SLC35F5: variants seen among roughly 807,000 people sequenced by gnomAD.
SLC35F5 encodes HCV NS5A-transactivated protein 3.
A neutral mutation model predicts 68.6 loss-of-function variants in SLC35F5; 54 were observed. The ratio of observed to expected loss-of-function variants is 0.79; its 90% CI spans 0.63 to 0.99. The LOEUF (loss-of-function observed/expected upper bound fraction) is 0.99. Among genes scored for constraint, SLC35F5 ranks in the 50% least tolerant of loss-of-function variants. The probability of loss-of-function intolerance (pLI) is 0.00; values close to 1 mark genes in which losing one functional copy is unlikely to be tolerated. For synonymous variants in SLC35F5, 211 were observed against 205.2 expected (o/e 1.03, Z -0.24); for missense variants, 567 against 626.9 (o/e 0.90, Z 1.02).
At chr2:113,748,226 T>A (rs1271105268) in intron 4 of SLC35F5, among the ~76,000 whole-genome samples, 1 of 152,158 alleles carries the variant, frequency 6.6e-6, no homozygotes, top group Non-Finnish European at 1.5e-5. Context: ...AGTGTAGTGG[T>A]TCAGTCTCTG....
At chr2:113,753,176 T>C (rs1385714027) in intron 3 of SLC35F5, among the ~76,000 whole-genome samples, 1,226 of 116,434 alleles carry the variant, frequency 0.011, 87 homozygotes, top group African/African-American at 0.035. Flanking sequence ...TTCTTTTTTT[T>C]TTTTTTTTTT....
intron 7 of SLC35F5, among the ~76,000 whole-genome samples, chr2:113,738,382 A>G (rs183377417): frequency 1.3e-5 from 2 of 152,266 alleles, no homozygotes; most frequent in African/African-American, 2.4e-5. Flanking sequence ...TTCATTTAGC[A>G]TAATGTCTTT....
At position 113,709,760 on chromosome 2, in the gene SLC35F5, C is replaced by T. The variant is rs78834881; in HGVS notation, c.*5458G>A. 0.031 allele frequency among the ~76,000 whole-genome samples: 4,790 copies of T among 152,236 alleles called. 142 individuals are homozygous for T. Among genetic ancestry groups the T allele is most frequent in the African/African-American group, 0.081 (3,358 of 41,538 alleles). Reference sequence around the variant, plus strand: ...AAATTACCAGGCCCACCATCCCCACCGCCAGACCTACTGAATCAGAAACTC... The same window carrying T: ...AAATTACCAGGCCCACCATCCCCACTGCCAGACCTACTGAATCAGAAACTC... On this transcript the variant is annotated 3_prime_UTR_variant, in exon 16 of 16. Transcript: ENST00000245680.
chr2:113,736,732 C>T (rs1461219686), intron 7 of SLC35F5, among the ~76,000 whole-genome samples: 2 of 152,108 alleles, frequency 1.3e-5, no homozygotes, highest in East Asian at 3.9e-4. Context: ...GAAACACAAC[C>T]CAAAGAGTTC....
At chr2:113,739,673 A>G (rs1688217994) in intron 7 of SLC35F5, among the ~76,000 whole-genome samples, 1 of 152,178 alleles carries the variant, frequency 6.6e-6, no homozygotes, top group Admixed American at 6.5e-5. Context: ...TGTATTAATT[A>G]TATGCTACCC....
intron 3 of SLC35F5, among the ~76,000 whole-genome samples, chr2:113,752,240 TAAGG>T (rs1676775444): frequency 6.8e-6 from 1 of 146,666 alleles, no homozygotes; most frequent in Non-Finnish European, 1.5e-5. Flanking sequence ...AAAAGATTAA[TAAGG>T]CCATATTAAA....
At chr2:113,746,235 C>A in intron 5 of SLC35F5, 42 bp downstream of exon 5, 1 of 1,521,260 alleles carries the variant, frequency 6.6e-7, no homozygotes, top group Non-Finnish European at 9.1e-7. Context: ...TACCATGGCT[C>A]AACCCCACCT....
rs922724583 is a variant in SLC35F5, at chr2:113,711,829, A to C, written c.*3389T>G. On this transcript the variant is annotated 3_prime_UTR_variant, in exon 16 of 16. Coordinates refer to ENST00000245680, the MANE Select transcript of SLC35F5 (RefSeq NM_025181.5). ...ATAACTATACTTACTTAATATGAAA[A>C]TGACATTTCATTTATTTGCTAATAT... Among the ~76,000 whole-genome samples, 3 of 152,242 alleles carry C rather than the reference A, an allele frequency of 2.0e-5. No homozygotes were observed. Among genetic ancestry groups the C allele is most frequent in the African/African-American group, 7.2e-5 (3 of 41,464 alleles).
rs143953098 is a variant in SLC35F5 at position 113,735,399 on chromosome 2, T to C, written c.832+378A>G. Among the ~76,000 whole-genome samples, 15 of 152,358 alleles carry C rather than the reference T, an allele frequency of 9.8e-5. No homozygotes were observed. In the East Asian group the frequency reaches 2.9e-3, roughly 29 times the overall value. On this transcript the variant is annotated intron_variant, in intron 8 of 15. Transcript: ENST00000245680. ...TAAATGGTATAGCCTACTACACAGC[T>C]AGGCTATATGCTATAAGCCTATTGC...
At chr2:113,738,650 C>T (rs1390019931) in intron 7 of SLC35F5, among the ~76,000 whole-genome samples, 1 of 149,074 alleles carries the variant, frequency 6.7e-6, no homozygotes, top group Non-Finnish European at 1.5e-5. Flanking sequence ...ACCTAAATTA[C>T]ATTTTACAGA....
downstream of SLC35F5, chr2:113,704,914 G>A (rs1479388844): frequency 6.5e-6 from 1 of 152,744 alleles, no homozygotes; most frequent in Non-Finnish European, 1.5e-5. Flanking sequence ...CCAGGCAGAG[G>A]AGGCGGGGAG....
chr2:113,756,616 G>A lies in SLC35F5; in HGVS notation c.-207C>T, dbSNP rs1677006260. The A allele has an allele frequency of 7.4e-7, 1 of 1,342,572 alleles. No homozygotes were observed. The highest frequency in any genetic ancestry group is 9.7e-7 in the Non-Finnish European group (1 of 1,029,944). 83.2% of individuals were successfully genotyped at this position (1,342,572 alleles called of 1,614,324 possible). A position where few individuals can be genotyped will look rare whatever the true frequency, so the allele number is the denominator to read the frequency against. The stretch of plus-strand genomic sequence containing the variant: ...GTGAGGGGAAGGGACGGCACAGTCA[G>A]CTATGGCCGCGGAGGCCCGGAGATC... On this transcript the variant is annotated 5_prime_UTR_variant, in exon 1 of 16. Coordinates refer to ENST00000245680, the MANE Select transcript of SLC35F5 (RefSeq NM_025181.5).
At chr2:113,729,093 G>T (rs1369680677) in intron 11 of SLC35F5, among the ~76,000 whole-genome samples, 3 of 152,224 alleles carry the variant, frequency 2.0e-5, no homozygotes, top group Non-Finnish European at 4.4e-5. Flanking sequence ...TCACATGCTT[G>T]TAAGAGCATA....
chr2:113,711,149 C>G lies in SLC35F5; in HGVS notation c.*4069G>C, dbSNP rs1370708242. On this transcript the variant is annotated 3_prime_UTR_variant, in exon 16 of 16. Coordinates refer to ENST00000245680, the MANE Select transcript of SLC35F5 (RefSeq NM_025181.5). ...GGTGCTTCTCCATCAAAATCCCTAG[C>G]TCAAAAATAAAAATCATGTTTGTGT... 6.6e-6 allele frequency among the ~76,000 whole-genome samples: 1 copy of G among 152,096 alleles called. No individual in the cohort carries two copies. The highest frequency in any genetic ancestry group is 2.4e-5 in the African/African-American group (1 of 41,412).
chr2:113,755,169 G>A lies in SLC35F5; in HGVS notation c.269C>T (p.Thr90Ile), dbSNP rs1294957195. The change falls in exon 3 of 16, where the codon ACT becomes ATT. Residue 90 changes from threonine to isoleucine, a missense_variant. Physicochemically the swap from Thr to Ile is moderately conservative, Grantham distance 89 (BLOSUM62 -1). Transcript: ENST00000245680. ...DVIWVASSELTSYVFTQYNKP... is the reference protein window; with the variant it reads ...DVIWVASSELISYVFTQYNKP... The stretch of plus-strand genomic sequence containing the variant: ...TCCTGGACCAAAGGTACATACCGAA[G>A]TAAGTTCAGAGGAAGCAACCCATAT... 2.5e-6 allele frequency: 4 copies of A among 1,613,744 alleles called. No homozygotes were observed. The highest frequency in any genetic ancestry group is 2.7e-5 in the African/African-American group (2 of 74,902).
rs1414338882 is a variant in SLC35F5 at position 113,709,311 on chromosome 2, A to C, written c.*5907T>G. On this transcript the variant is annotated 3_prime_UTR_variant, in exon 16 of 16. Transcript: ENST00000245680. ...TTATTACCACTCTTTACAAAGCACT[A>C]AGCACACACAGGTGTTTGGCATTGT... Among the ~76,000 whole-genome samples the C allele has an allele frequency of 6.6e-6, 1 of 152,240 alleles. No homozygotes were observed. Among genetic ancestry groups the C allele is most frequent in the Non-Finnish European group, 1.5e-5 (1 of 68,052 alleles).
rs1686971096 is a variant in SLC35F5 at position 113,711,214 on chromosome 2, T to C, written c.*4004A>G. Among the ~76,000 whole-genome samples the C allele has an allele frequency of 2.0e-5, 3 of 152,230 alleles. No homozygotes were observed. Among genetic ancestry groups the C allele is most frequent in the Non-Finnish European group, 4.4e-5 (3 of 68,044 alleles). On this transcript the variant is annotated 3_prime_UTR_variant, in exon 16 of 16. Coordinates refer to ENST00000245680, the MANE Select transcript of SLC35F5 (RefSeq NM_025181.5). ...AATGCTGTTATTGGAAATGTTACCA[T>C]TTCACATGAACATTCCAGTAAATAT...
chr2:113,734,722 C>A, intron 8 of SLC35F5, 49 bp from the exon 9 acceptor site: 3 of 1,129,328 alleles, frequency 2.7e-6, no homozygotes, highest in South Asian at 2.8e-5. Flanking sequence ...TAAATACTGT[C>A]AACATTTTTA....
chr2:113,753,777 C>G (rs1228481655), intron 3 of SLC35F5, among the ~76,000 whole-genome samples: 3 of 152,010 alleles, frequency 2.0e-5, no homozygotes, highest in African/African-American at 7.2e-5. Context: ...TAACCAGGTG[C>G]TATTTTGTCC....
Sources: gnomAD v4.1 joint callset for allele counts (sites outside exome capture counted in the v4.1 genomes callset) on GRCh38, gnomAD v4.1.1 for gene constraint, MANE v1.5 for transcripts, NCBI Gene and HGNC (gene_info 2026-07-23, HGNC 2026-07-21) for gene names.